CTNNA2: variants seen among roughly 807,000 people sequenced by gnomAD.
CTNNA2 encodes catenin alpha-2.
A neutral mutation model predicts 101.0 loss-of-function variants in CTNNA2; 42 were observed. The observed-to-expected ratio is 0.42, with a 90% CI of 0.32 to 0.54. The LOEUF is 0.54. CTNNA2 is among the 20% of genes least tolerant of loss of function. The probability of loss-of-function intolerance (pLI) is 0.14; values close to 1 mark genes in which losing one functional copy is unlikely to be tolerated. For synonymous variants in CTNNA2, 450 were observed against 456.4 expected, an observed-to-expected ratio of 0.99 and a Z score of 0.18; for missense variants, 871 against 1,223.1, an observed-to-expected ratio of 0.71 and a Z score of 4.29.
chr2:79,258,285 A>G (rs1674874688), intron 2 of CTNNA2, among the ~76,000 whole-genome samples: 1 of 152,192 alleles, frequency 6.6e-6, no homozygotes, highest in Non-Finnish European at 1.5e-5. Context: ...TGAAGCAATT[A>G]GAATATTTGG....
chr2:80,636,085 T>A (rs1672849615), intron 18 of CTNNA2, among the ~76,000 whole-genome samples: 1 of 152,016 alleles, frequency 6.6e-6, no homozygotes, highest in Admixed American at 6.6e-5. Flanking sequence ...GGAAGGTCTT[T>A]TCATATAACC....
intron 7 of CTNNA2, among the ~76,000 whole-genome samples, chr2:80,092,907 A>G (rs1357474215): frequency 6.6e-6 from 1 of 152,140 alleles, no homozygotes; most frequent in Non-Finnish European, 1.5e-5. Flanking sequence ...TTAATTATAC[A>G]TGCATATTTT....
At chr2:80,337,309 C>T (rs1237501761) in intron 7 of CTNNA2, among the ~76,000 whole-genome samples, 1 of 151,734 alleles carries the variant, frequency 6.6e-6, no homozygotes, top group African/African-American at 2.4e-5. Flanking sequence ...GAGCCAAGAT[C>T]GTGCCACTGC....
At chr2:79,244,663 T>G (rs1367916313) in intron 2 of CTNNA2, among the ~76,000 whole-genome samples, 1 of 152,236 alleles carries the variant, frequency 6.6e-6, no homozygotes, top group African/African-American at 2.4e-5. Context: ...AGCTCCATGA[T>G]AGCAGCGATT....
intron 2 of CTNNA2, among the ~76,000 whole-genome samples, chr2:79,215,062 C>T (rs922027438): frequency 3.9e-5 from 6 of 152,238 alleles, no homozygotes; most frequent in Non-Finnish European, 7.4e-5. Flanking sequence ...CTGAGGCGAT[C>T]GGGCAGCGTC....
At chr2:79,896,551 T>G (rs990172635) in intron 6 of CTNNA2, among the ~76,000 whole-genome samples, 1 of 152,212 alleles carries the variant, frequency 6.6e-6, no homozygotes, top group African/African-American at 2.4e-5. Flanking sequence ...AATCAGCAAA[T>G]GTTTATCAAA....
intron 1 of CTNNA2, among the ~76,000 whole-genome samples, chr2:79,190,692 C>T (rs916018278): frequency 6.6e-6 from 1 of 152,070 alleles, no homozygotes; most frequent in African/African-American, 2.4e-5. Flanking sequence ...GATGGCTTGA[C>T]GGGGCACCAG....
chr2:79,523,384 T>G (rs1328804658), intron 1 of CTNNA2: 2 of 245,376 alleles, frequency 8.2e-6, no homozygotes, highest in African/African-American at 4.6e-5. Flanking sequence ...TTATTTTCAT[T>G]TTACATATAG....
chr2:80,097,456 A>T (rs1405978844), intron 7 of CTNNA2, among the ~76,000 whole-genome samples: 2 of 151,874 alleles, frequency 1.3e-5, no homozygotes, highest in Non-Finnish European at 2.9e-5. Context: ...CTTCATTTCA[A>T]CTTTGGTGAA....
At chr2:79,271,524 G>A (rs1675083162) in intron 2 of CTNNA2, among the ~76,000 whole-genome samples, 2 of 152,056 alleles carry the variant, frequency 1.3e-5, no homozygotes, top group Admixed American at 6.6e-5. Context: ...AATGTGATTA[G>A]CTTTTTGGTA....
chr2:80,611,606 T>A (rs1328436989), intron 17 of CTNNA2, among the ~76,000 whole-genome samples: 1 of 151,614 alleles, frequency 6.6e-6, no homozygotes, highest in Non-Finnish European at 1.5e-5. Flanking sequence ...TCAGCACCTT[T>A]AAAGTTAAAA....
At chr2:79,310,707 G>A (rs1298218051) in intron 2 of CTNNA2, among the ~76,000 whole-genome samples, 1 of 152,214 alleles carries the variant, frequency 6.6e-6, no homozygotes, top group African/African-American at 2.4e-5. Context: ...GATAGTTAAA[G>A]CCAGCATAGC....
intron 7 of CTNNA2, among the ~76,000 whole-genome samples, chr2:79,974,076 A>G (rs1574447335): frequency 6.6e-6 from 1 of 152,206 alleles, no homozygotes; most frequent in East Asian, 1.9e-4. Context: ...CTTTGTCGCC[A>G]TCTTCAACTC....
At chr2:79,618,292 T>C (rs2104264624) in intron 1 of CTNNA2, among the ~76,000 whole-genome samples, 1 of 152,324 alleles carries the variant, frequency 6.6e-6, no homozygotes, top group Non-Finnish European at 1.5e-5. Context: ...TTTGAATTGT[T>C]TTGTTTGCAA....
At chr2:80,080,968 A>AAG (rs1699098135) in intron 7 of CTNNA2, among the ~76,000 whole-genome samples, 1 of 150,226 alleles carries the variant, frequency 6.7e-6, no homozygotes, top group African/African-American at 2.4e-5. Flanking sequence ...AAAAAAAAAA[A>AAG]AAAAGAAATG....
At chr2:79,568,858 C>CAAAAAA (rs540965419) in intron 1 of CTNNA2, among the ~76,000 whole-genome samples, 11 of 68,964 alleles carry the variant, frequency 1.6e-4, no homozygotes, top group African/African-American at 7.4e-4. Flanking sequence ...TCTGTTTCTA[C>CAAAAAA]AAAAAAAAAA....
At chr2:79,375,480 A>C (rs1338271370) in intron 4 of CTNNA2, among the ~76,000 whole-genome samples, 1 of 152,208 alleles carries the variant, frequency 6.6e-6, no homozygotes, top group Non-Finnish European at 1.5e-5. Context: ...TAATTGATTC[A>C]ATAAAGCATT....
At chr2:79,430,948 A>AT (rs35106038) in intron 4 of CTNNA2, among the ~76,000 whole-genome samples, 3 of 152,156 alleles carry the variant, frequency 2.0e-5, no homozygotes, top group Admixed American at 1.3e-4. Flanking sequence ...TTATTACTAT[A>AT]TTTTTTATCA....
rs188312552 is a variant in CTNNA2 at position 79,412,936 on chromosome 2, G to A, written c.-135+38923G>A. On this transcript the variant is annotated intron_variant, in intron 4 of 21. Transcript: ENST00000466387. ...TTACTTTAGGTCAACCACTCTTTTA[G>A]TAAATTTTATTTAATTCTTACAATA... Among the ~76,000 whole-genome samples, 43 of 152,198 alleles carry A rather than the reference G, an allele frequency of 2.8e-4. 1 individual carries two copies. The highest frequency in any genetic ancestry group is 1.0e-3 in the African/African-American group (42 of 41,540).
Sources: gnomAD v4.1 joint callset for allele counts (sites outside exome capture counted in the v4.1 genomes callset) on GRCh38, gnomAD v4.1.1 for gene constraint, MANE v1.5 for transcripts, NCBI Gene and HGNC (gene_info 2026-07-23, HGNC 2026-07-21) for gene names.